ANKS1B: variants seen among roughly 807,000 people sequenced by gnomAD.
The protein encoded by ANKS1B is ankyrin repeat and sterile alpha motif domain containing 1B, also known as ankyrin repeat and sterile alpha motif domain-containing protein 1B.
ANKS1B carries 36 observed loss-of-function variants against 148.3 expected under a neutral mutation model. That is an observed-to-expected ratio of 0.24 (90% CI 0.19 to 0.32). The LOEUF (loss-of-function observed/expected upper bound fraction) is 0.32, where lower values mean the gene tolerates loss of function less well. Ranked by LOEUF, ANKS1B falls within the 10% of genes least tolerant of loss-of-function variation. The probability of loss-of-function intolerance (pLI) is 1.00; values close to 1 mark genes in which losing one functional copy is unlikely to be tolerated. For missense variants in ANKS1B, 1,157 were observed against 1,542.6 expected (o/e 0.75, Z 4.19); for synonymous variants, 542 against 560.8 (o/e 0.97, Z 0.47).
At chr12:99,478,108 T>C (rs1026033464) in intron 10 of ANKS1B, among the ~76,000 whole-genome samples, 11 of 152,078 alleles carry the variant, frequency 7.2e-5, no homozygotes, top group African/African-American at 2.2e-4. Context: ...GAAAGTAATA[T>C]GCACAAAAGT....
intron 9 of ANKS1B, among the ~76,000 whole-genome samples, chr12:99,633,178 T>C (rs1317736570): frequency 3.3e-5 from 5 of 151,840 alleles, no homozygotes; most frequent in Admixed American, 6.6e-5. Flanking sequence ...TTTGGGTTGG[T>C]TCCAAGTCTT....
chr12:99,613,493 C>T (rs1436867091), intron 9 of ANKS1B, among the ~76,000 whole-genome samples: 5 of 151,980 alleles, frequency 3.3e-5, no homozygotes, highest in African/African-American at 1.2e-4. Flanking sequence ...AAATGTGGTA[C>T]ATATACAACA....
intron 1 of ANKS1B, among the ~76,000 whole-genome samples, chr12:99,841,966 T>C (rs180938014): frequency 3.2e-4 from 48 of 152,270 alleles, no homozygotes; most frequent in African/African-American, 1.0e-3. Context: ...ATTTATTCAT[T>C]GTTTATTTAC....
At chr12:99,754,812 T>C (rs961812251) in intron 8 of ANKS1B, among the ~76,000 whole-genome samples, 17 of 152,048 alleles carry the variant, frequency 1.1e-4, no homozygotes, top group African/African-American at 4.1e-4. Context: ...AGAACAAAGA[T>C]ACAACATACC....
chr12:99,585,464 G>A (rs1029024852), intron 9 of ANKS1B, among the ~76,000 whole-genome samples: 1 of 152,142 alleles, frequency 6.6e-6, no homozygotes, highest in East Asian at 1.9e-4. Context: ...CAGGCACACA[G>A]TGCAACCTGT....
At chr12:99,134,643 TCTCACACACACACACACACACACACA>T (rs1243429516) in intron 15 of ANKS1B, among the ~76,000 whole-genome samples, 5 of 83,088 alleles carry the variant, frequency 6.0e-5, no homozygotes, top group East Asian at 9.2e-4. Flanking sequence ...TCTCTCTCTC[TCTCACACACACACACACACACACACA>T]CACACACACA....
chr12:99,634,844 A>G (rs2098216586), intron 9 of ANKS1B, among the ~76,000 whole-genome samples: 1 of 152,214 alleles, frequency 6.6e-6, no homozygotes, highest in Non-Finnish European at 1.5e-5. Context: ...AATCTATGAA[A>G]TGGGAGAAAA....
intron 17 of ANKS1B, among the ~76,000 whole-genome samples, chr12:99,046,942 G>A (rs189791913): frequency 6.6e-6 from 1 of 152,116 alleles, no homozygotes; most frequent in African/African-American, 2.4e-5. Flanking sequence ...AAAGATGAGT[G>A]AACTTAAAGA....
chr12:99,281,668 A>G (rs1018769939), intron 12 of ANKS1B, among the ~76,000 whole-genome samples: 2 of 152,240 alleles, frequency 1.3e-5, no homozygotes, highest in Non-Finnish European at 2.9e-5. Flanking sequence ...ATGACTGTGA[A>G]AAAATAAAAG....
chr12:99,555,619 C>T (rs183351194), intron 9 of ANKS1B, among the ~76,000 whole-genome samples: 8 of 152,136 alleles, frequency 5.3e-5, no homozygotes, highest in East Asian at 1.9e-4. Flanking sequence ...TTCCTTCAAT[C>T]CTACATTGTT....
At chr12:99,144,149 T>C (rs902769203) in intron 15 of ANKS1B, among the ~76,000 whole-genome samples, 1 of 152,212 alleles carries the variant, frequency 6.6e-6, no homozygotes, top group African/African-American at 2.4e-5. Context: ...TTTCTTTCTA[T>C]AAAACATTAC....
chr12:98,916,930 C>T (rs531936406), intron 17 of ANKS1B, among the ~76,000 whole-genome samples: 1 of 151,764 alleles, frequency 6.6e-6, no homozygotes, highest in African/African-American at 2.4e-5. Flanking sequence ...TGCTAATTTA[C>T]TTAACCCTTA....
chr12:99,369,046 C>A (rs2092939859), intron 12 of ANKS1B, among the ~76,000 whole-genome samples: 1 of 152,144 alleles, frequency 6.6e-6, no homozygotes, highest in African/African-American at 2.4e-5. Flanking sequence ...TCATTCCCAA[C>A]AGTTCATTTA....
chr12:99,409,885 T>C (rs993583093), intron 11 of ANKS1B, among the ~76,000 whole-genome samples: 1 of 152,238 alleles, frequency 6.6e-6, no homozygotes, highest in African/African-American at 2.4e-5. Flanking sequence ...AAATTACATA[T>C]TGAATTTGCC....
intron 14 of ANKS1B, among the ~76,000 whole-genome samples, chr12:99,193,833 G>C (rs1259509486): frequency 4.1e-5 from 4 of 97,146 alleles, no homozygotes; most frequent in African/African-American, 1.5e-4. Flanking sequence ...ATGGAGTCTT[G>C]CTCTGTCACC....
intron 12 of ANKS1B, among the ~76,000 whole-genome samples, chr12:99,284,540 C>CTGTA (rs769414027): frequency 9.2e-5 from 14 of 152,192 alleles, no homozygotes; most frequent in Non-Finnish European, 1.9e-4. Context: ...TTTTATTTTC[C>CTGTA]TGTATCCTTC....
intron 17 of ANKS1B, among the ~76,000 whole-genome samples, chr12:99,009,917 G>A (rs779834446): frequency 2.6e-4 from 39 of 152,068 alleles, no homozygotes; most frequent in Non-Finnish European, 4.7e-4. Flanking sequence ...ATTACCTCAG[G>A]AGCTTTAACA....
intron 17 of ANKS1B, among the ~76,000 whole-genome samples, chr12:98,900,637 TTAGAAA>T (rs1201609855): frequency 1.2e-4 from 19 of 152,310 alleles, no homozygotes; most frequent in East Asian, 1.9e-4. Flanking sequence ...AGAGTGAATC[TTAGAAA>T]TAGAAATGTT....
intron 1 of ANKS1B, among the ~76,000 whole-genome samples, chr12:99,874,833 A>G (rs1320321472): frequency 7.2e-5 from 11 of 152,274 alleles, no homozygotes; most frequent in African/African-American, 2.7e-4. Flanking sequence ...GATAAAACTT[A>G]CATCACAAGA....
Sources: gnomAD v4.1 joint callset for allele counts (sites outside exome capture counted in the v4.1 genomes callset) on GRCh38, gnomAD v4.1.1 for gene constraint, MANE v1.5 for transcripts, NCBI Gene and HGNC (gene_info 2026-07-23, HGNC 2026-07-21) for gene names.